Variants in ACTR6 observed in about 807,000 individuals in gnomAD.
ACTR6 encodes the protein actin related protein 6.
ACTR6 carries 50 observed loss-of-function variants against 52.5 expected under a neutral mutation model. The observed-to-expected ratio is 0.95, with a 90% CI of 0.76 to 1.20. ACTR6 has a LOEUF of 1.20. Among genes scored for constraint, ACTR6 ranks in the 50% most tolerant of loss-of-function variants. The pLI, the probability that ACTR6 is intolerant of heterozygous loss-of-function variation, is 0.00. For synonymous variants in ACTR6, 135 were observed against 147.2 expected (o/e 0.92, Z 0.60); for missense variants, 344 against 472.4 (o/e 0.73, Z 2.52).
In ACTR6 at chr12:100,218,583, G is replaced by A. The variant is rs1467974887; in HGVS notation, c.919G>A (p.Glu307Lys). The A allele has an allele frequency of 6.6e-7, 1 of 1,514,792 alleles. No individual in the cohort carries two copies. 93.8% of individuals were successfully genotyped at this position (1,514,792 alleles called of 1,614,324 possible). The change falls in exon 9 of 11, where the codon GAA (glutamate) becomes AAA (lysine). Residue 307 changes from glutamate to lysine, a missense_variant. Coordinates refer to ENST00000188312, the MANE Select transcript of ACTR6 (RefSeq NM_022496.5). The surrounding 1 kb of genome is among the most constrained non-coding windows in gnomAD (Gnocchi z 4.2). ...TGTCTATTCAATTCAAAATCTACCTGAAGGTACATAAATAGAGTAAAATAC... is the reference window on the plus strand; with the variant it reads ...TGTCTATTCAATTCAAAATCTACCTAAAGGTACATAAATAGAGTAAAATAC... ...AIVYSIQNLP[E>K]EMQPHFFKNI...
Position 100,210,091 on chromosome 12 carries a change from A to T in ACTR6, c.398A>T (p.His133Leu). ...LRVNAGALSA[H>L]RYFRDNPSEL... ...TAAATAGCTGGGGCTCTCAGTGCAC[A>T]TAGGTATTTCCGAGATAATCCTTCC... Residue 133 changes from histidine to leucine, a missense_variant, in exon 5 of 11, where the codon CAT becomes CTT. Transcript: ENST00000188312. 1.2e-6 allele frequency: 2 copies of T among 1,604,750 alleles called. No individual in the cohort carries two copies. Among genetic ancestry groups the T allele is most frequent in the Non-Finnish European group, 1.7e-6 (2 of 1,177,974 alleles).
chr12:100,211,587 C>T (rs2096119948), intron 6 of ACTR6, among the ~76,000 whole-genome samples: 1 of 151,754 alleles, frequency 6.6e-6, no homozygotes, highest in African/African-American at 2.4e-5. Context: ...TCACTGTGTA[C>T]CTGAGAAATA....
intron 9 of ACTR6, among the ~76,000 whole-genome samples, chr12:100,219,172 A>G (rs966017582): frequency 2.0e-5 from 3 of 151,410 alleles, no homozygotes; most frequent in African/African-American, 7.3e-5. Context: ...AAAAAAAAAA[A>G]AAAAAAAGAA....
At chr12:100,201,618 T>C (rs1327286602) in intron 1 of ACTR6, among the ~76,000 whole-genome samples, 1 of 152,204 alleles carries the variant, frequency 6.6e-6, no homozygotes, top group Non-Finnish European at 1.5e-5. Flanking sequence ...GAATGTAAAT[T>C]GTTACAATCT....
rs2096118761 is a variant in ACTR6 at position 100,210,281 on chromosome 12, T to C, written c.516-14T>C. The C allele has an allele frequency of 6.2e-7, 1 of 1,613,628 alleles. No individual in the cohort carries two copies. Among genetic ancestry groups the C allele is most frequent in the Non-Finnish European group, 8.5e-7 (1 of 1,179,630 alleles). On this transcript the variant is annotated splice_polypyrimidine_tract_variant and intron_variant, in intron 5 of 10. Transcript: ENST00000188312. ...GATATGTGCGATAATTAAATTTGAG[T>C]TCTCCCCTTGCAGGATAAATGTGGG...
At chr12:100,209,484 C>T (rs2096118020) in intron 4 of ACTR6, among the ~76,000 whole-genome samples, 1 of 152,158 alleles carries the variant, frequency 6.6e-6, no homozygotes, top group African/African-American at 2.4e-5. Context: ...TCATTACCAC[C>T]GGGAAGGTGC....
Position 100,206,968 on chromosome 12 carries a change from C to T in ACTR6, c.256-695C>T, listed in dbSNP as rs556923415. Among the ~76,000 whole-genome samples, 9 of 151,932 alleles carry T rather than the reference C, an allele frequency of 5.9e-5. No individual in the cohort carries two copies. In the East Asian group the frequency reaches 7.8e-4, roughly 13 times the overall value. On this transcript the variant is annotated intron_variant, in intron 3 of 10. Transcript: ENST00000188312. ...GTCCTGGGATTACAAGCTGAGCCAT[C>T]GTGCCTGACCTTGTTTTCCTTTCAT...
chr12:100,209,674 C>T (rs915308501), intron 4 of ACTR6, among the ~76,000 whole-genome samples: 3 of 152,210 alleles, frequency 2.0e-5, no homozygotes, highest in African/African-American at 7.2e-5. Context: ...GAGCACATTA[C>T]TTTACTTCTC....
chr12:100,223,651 T>C (rs2096130052), intron 10 of ACTR6, 135 bp from the exon 11 acceptor site: 14 of 1,030,944 alleles, frequency 1.4e-5, no homozygotes. Context: ...TTCTGTTGGG[T>C]TGGGTAGAGC....
intron 4 of ACTR6, 78 bp from the exon 5 acceptor site, chr12:100,209,995 T>G: frequency 1.5e-6 from 2 of 1,307,630 alleles, no homozygotes; most frequent in East Asian, 4.8e-5. Flanking sequence ...TCTTGGTGCT[T>G]GTCTTTGTTT....
intron 9 of ACTR6, among the ~76,000 whole-genome samples, chr12:100,219,312 C>T (rs1482882770): frequency 6.6e-6 from 1 of 152,044 alleles, no homozygotes; most frequent in Non-Finnish European, 1.5e-5. Context: ...GAGTGAGACT[C>T]GAGGTCAATA....
Position 100,223,714 on chromosome 12 carries a change from T to C in ACTR6, c.1062-72T>C. On this transcript the variant is annotated intron_variant, in intron 10 of 10. Coordinates refer to ENST00000188312, the MANE Select transcript of ACTR6 (RefSeq NM_022496.5). ...ACAAATTACTTTTGCACCAACCTAA[T>C]AGTAATTTATGTTTCAGGCATTTCA... 3 of 1,526,910 alleles carry C rather than the reference T, an allele frequency of 2.0e-6. No individual in the cohort carries two copies. The South Asian group carries it at 3.6e-5, about 19-fold the overall frequency. The allele number at this position is 1,526,910 out of a possible 1,614,324, so 94.6% of individuals were successfully genotyped here.
chr12:100,201,053 G>A (rs909020501), intron 1 of ACTR6, 134 bp downstream of exon 1: 8 of 1,532,318 alleles, frequency 5.2e-6, no homozygotes. Context: ...TTCCCTGGTT[G>A]GAGCTGGGTG....
rs1040724267 is a variant in ACTR6, at chr12:100,205,138, G to A, written c.186+81G>A. 5 of 823,250 alleles carry A rather than the reference G, an allele frequency of 6.1e-6. No individual in the cohort carries two copies. The African/African-American group carries it at 7.2e-5, about 12-fold the overall frequency. The allele number at this position is 823,250 out of a possible 1,614,324, so 51.0% of individuals were successfully genotyped here. ...ATTTTAATTGTATATAAAAGGCTGT[G>A]TGTAACTTAAATTTTAACTACAACC... On this transcript the variant is annotated intron_variant, in intron 2 of 10. Transcript: ENST00000188312.
Position 100,218,370 on chromosome 12 carries a change from A to G in ACTR6, c.751-45A>G. ...CATATTACTAATTATTAGTCATGTG[A>G]GCTAGATAATATAACTTAAACTTTT... On this transcript the variant is annotated intron_variant, in intron 8 of 10. Transcript: ENST00000188312. This position sits in a 1 kb window ranked among gnomAD's most constrained non-coding sequence, Gnocchi z 4.2. 2.0e-6 allele frequency: 3 copies of G among 1,463,986 alleles called. No homozygotes were observed. The highest frequency in any genetic ancestry group is 2.4e-5 in the South Asian group (2 of 82,160). The allele number at this position is 1,463,986 out of a possible 1,614,324, so 90.7% of individuals were successfully genotyped here.
chr12:100,220,084 T>C lies in ACTR6; in HGVS notation c.999T>C (p.Val333=). 1 of 1,614,048 alleles carries C rather than the reference T, an allele frequency of 6.2e-7. No homozygotes were observed. Among genetic ancestry groups the C allele is most frequent in the Non-Finnish European group, 8.5e-7 (1 of 1,179,960 alleles). ...NSLFPGFRDR[V]YSEVRCLTPT... ...TTTTCCCAGGATTTAGGGATCGGGT[T>C]TACTCAGAAGTTCGATGTCTTACTC... Residue 333 remains valine (V), a synonymous_variant, in exon 10 of 11, where the codon GTT becomes GTC. Coordinates refer to ENST00000188312, the MANE Select transcript of ACTR6 (RefSeq NM_022496.5).
chr12:100,207,096 C>CA (rs2096115488), intron 3 of ACTR6, among the ~76,000 whole-genome samples: 1 of 151,870 alleles, frequency 6.6e-6, no homozygotes, highest in South Asian at 2.1e-4. Context: ...TTTTTAGAGA[C>CA]AGAGTCTTGC....
At chr12:100,213,349 C>T (rs1196568802) in intron 8 of ACTR6, among the ~76,000 whole-genome samples, 1 of 152,078 alleles carries the variant, frequency 6.6e-6, no homozygotes, top group Non-Finnish European at 1.5e-5. Flanking sequence ...TGCCTTGGCT[C>T]CTAGGTGTTG....
intron 10 of ACTR6, among the ~76,000 whole-genome samples, chr12:100,223,384 G>A (rs2096129863): frequency 6.6e-6 from 1 of 152,042 alleles, no homozygotes; most frequent in African/African-American, 2.4e-5. Context: ...TATTTTATGA[G>A]TTGCTATGAG....
Sources: gnomAD v4.1 joint callset for allele counts (sites outside exome capture counted in the v4.1 genomes callset) on GRCh38, gnomAD v4.1.1 for gene constraint, Gnocchi (gnomAD v3.1) non-coding constraint, MANE v1.5 for transcripts, NCBI Gene and HGNC (gene_info 2026-07-23, HGNC 2026-07-21) for gene names.